Variants in PPP1R9A observed in about 807,000 individuals in gnomAD.
PPP1R9A encodes protein phosphatase 1 regulatory subunit 9A.
Under a neutral mutation model 141.9 loss-of-function variants are expected in PPP1R9A, and 59 were observed. The observed-to-expected ratio is 0.42, with a 90% confidence interval of 0.34 to 0.52. PPP1R9A has a LOEUF of 0.52. PPP1R9A is among the 20% of genes least tolerant of loss of function. The probability of loss-of-function intolerance (pLI) is 0.10; values close to 1 mark genes in which losing one functional copy is unlikely to be tolerated. For synonymous variants in PPP1R9A, 500 were observed against 569.7 expected (o/e 0.88, Z 1.74); for missense variants, 1,444 against 1,611.9 (o/e 0.90, Z 1.78).
chr7:95,155,599 CTT>C (rs1407460986), intron 4 of PPP1R9A: 1 of 152,148 alleles, frequency 6.6e-6, no homozygotes, highest in Non-Finnish European at 1.5e-5. Context: ...TATGAACCCA[CTT>C]TAGTGTCTCA....
chr7:95,247,722 C>T (rs1050872393), intron 9 of PPP1R9A, among the ~76,000 whole-genome samples, 196 bp downstream of exon 9: 13 of 151,976 alleles, frequency 8.6e-5, no homozygotes, highest in Non-Finnish European at 1.9e-4. Context: ...GTGCAAATAA[C>T]ACAATATTTT....
intron 5 of PPP1R9A, among the ~76,000 whole-genome samples, chr7:95,168,004 C>G (rs1831533744): frequency 6.6e-6 from 1 of 152,114 alleles, no homozygotes; most frequent in Non-Finnish European, 1.5e-5. Context: ...CAATCCCTGT[C>G]TAAATATCAA....
chr7:95,198,719 T>G (rs1169458356), intron 6 of PPP1R9A, among the ~76,000 whole-genome samples: 3 of 152,218 alleles, frequency 2.0e-5, no homozygotes, highest in Non-Finnish European at 4.4e-5. Context: ...TCTTATCTTT[T>G]GCACTATTAT....
chr7:95,173,098 G>A (rs1018123554), intron 5 of PPP1R9A, among the ~76,000 whole-genome samples: 7 of 151,832 alleles, frequency 4.6e-5, no homozygotes, highest in African/African-American at 1.2e-4. Context: ...CCTAATTGCA[G>A]CAGCTAGAAC....
intron 8 of PPP1R9A, among the ~76,000 whole-genome samples, chr7:95,242,576 G>A (rs1173003119): frequency 6.6e-6 from 1 of 150,788 alleles, no homozygotes; most frequent in Non-Finnish European, 1.5e-5. Flanking sequence ...ATGAGTGCAT[G>A]TTCTGTATTC....
intron 4 of PPP1R9A, among the ~76,000 whole-genome samples, chr7:95,128,442 A>G (rs966830860): frequency 7.2e-5 from 11 of 151,972 alleles, no homozygotes; most frequent in African/African-American, 2.4e-4. Flanking sequence ...GTTTGCAAAT[A>G]TTTTCTCCCA....
At chr7:95,087,679 G>A (rs1348474130) in intron 2 of PPP1R9A, among the ~76,000 whole-genome samples, 1 of 151,976 alleles carries the variant, frequency 6.6e-6, no homozygotes, top group Non-Finnish European at 1.5e-5. Context: ...AGTAGATCAC[G>A]AGGTCAGGAG....
At chr7:95,266,324 T>G (rs538516261) in intron 12 of PPP1R9A, among the ~76,000 whole-genome samples, 5 of 131,434 alleles carry the variant, frequency 3.8e-5, no homozygotes, top group African/African-American at 1.3e-4. Flanking sequence ...TTTCAACATG[T>G]CATCCTTTTT....
At chr7:95,039,205 CTAATT>C (rs1413155926) in intron 2 of PPP1R9A, among the ~76,000 whole-genome samples, 5 of 152,076 alleles carry the variant, frequency 3.3e-5, no homozygotes, top group African/African-American at 4.8e-5. Flanking sequence ...ATTAAGGACT[CTAATT>C]TAAGAAGTAG....
At chr7:95,168,915 A>C (rs1291008283) in intron 5 of PPP1R9A, among the ~76,000 whole-genome samples, 2 of 152,090 alleles carry the variant, frequency 1.3e-5, no homozygotes, top group Admixed American at 1.3e-4. Flanking sequence ...GAGAAAAAGG[A>C]ACTCTTACAC....
At chr7:95,086,968 A>T (rs1355534392) in intron 2 of PPP1R9A, among the ~76,000 whole-genome samples, 1 of 151,492 alleles carries the variant, frequency 6.6e-6, no homozygotes, top group African/African-American at 2.5e-5. Flanking sequence ...GGATCTCTCC[A>T]GCCCTGGAGT....
intron 2 of PPP1R9A, among the ~76,000 whole-genome samples, chr7:95,035,114 G>A (rs1202523618): frequency 2.0e-5 from 3 of 152,104 alleles, no homozygotes; most frequent in African/African-American, 7.2e-5. Context: ...GAAATCTGAA[G>A]CATCAAAAGA....
rs1389168695 is a variant in PPP1R9A, at chr7:95,205,251, G to C, written c.1956+1521G>C. Among the ~76,000 whole-genome samples the C allele has an allele frequency of 3.3e-5, 5 of 152,248 alleles. 1 individual carries two copies. Among genetic ancestry groups the C allele is most frequent in the African/African-American group, 1.2e-4 (5 of 41,550 alleles). The stretch of plus-strand genomic sequence containing the variant: ...AAAAAAATTATGATGCAAATGATTT[G>C]AATATATTTTCCTTCCCACTGCCAC... On this transcript the variant is annotated intron_variant, in intron 7 of 19. Coordinates refer to ENST00000433360, the MANE Select transcript of PPP1R9A (RefSeq NM_001166160.2).
chr7:95,274,004 T>C lies in PPP1R9A; in HGVS notation c.3212+18T>C, dbSNP rs377731970. ...GATCTGGGGTAAGCACTTCACGATG[T>C]AAAAAGAAAGCCCTCTGTAAAAGGA... On this transcript the variant is annotated intron_variant, in intron 15 of 19. Coordinates refer to ENST00000433360, the MANE Select transcript of PPP1R9A (RefSeq NM_001166160.2). 2 of 1,501,462 alleles carry C rather than the reference T, an allele frequency of 1.3e-6. No individual in the cohort carries two copies. The highest frequency in any genetic ancestry group is 1.7e-5 in the Admixed American group (1 of 58,878). The allele number at this position is 1,501,462 out of a possible 1,614,324, so 93.0% of individuals were successfully genotyped here.
At chr7:95,188,323 A>G (rs1373817198) in intron 5 of PPP1R9A, among the ~76,000 whole-genome samples, 1 of 151,948 alleles carries the variant, frequency 6.6e-6, no homozygotes, top group African/African-American at 2.4e-5. Flanking sequence ...TTTCGTTTCC[A>G]TTTACATGAA....
chr7:95,066,806 G>A (rs1813012368), intron 2 of PPP1R9A, among the ~76,000 whole-genome samples: 1 of 152,180 alleles, frequency 6.6e-6, no homozygotes, highest in Non-Finnish European at 1.5e-5. Flanking sequence ...GTAATACTGA[G>A]ATTGTCCTAG....
At chr7:95,065,191 G>A (rs576774826) in intron 2 of PPP1R9A, among the ~76,000 whole-genome samples, 1 of 152,168 alleles carries the variant, frequency 6.6e-6, no homozygotes, top group African/African-American at 2.4e-5. Context: ...TCAGCCTCCT[G>A]AGTAGCTGTG....
Position 95,011,078 on chromosome 7 carries a change from A to G in PPP1R9A, c.1395+99570A>G, listed in dbSNP as rs532571539. ...GTAACAGTGTTGCCTTTCAGAATTC[A>G]GCCTTTCTTTAAAGATATTTTTCAT... On this transcript the variant is annotated intron_variant, in intron 2 of 19. Transcript: ENST00000433360. 2.0e-5 allele frequency among the ~76,000 whole-genome samples: 3 copies of G among 152,280 alleles called. No homozygotes were observed. The East Asian group carries it at 5.8e-4, about 29-fold the overall frequency.
intron 14 of PPP1R9A, among the ~76,000 whole-genome samples, chr7:95,270,497 A>T (rs898055616): frequency 6.6e-6 from 1 of 152,102 alleles, no homozygotes; most frequent in Non-Finnish European, 1.5e-5. Context: ...GGAAATTAGG[A>T]TGGAGAAGTC....
Sources: allele counts gnomAD v4.1 joint callset (sites outside exome capture counted in the v4.1 genomes callset), GRCh38; gene constraint gnomAD v4.1.1; transcripts MANE v1.5; gene names NCBI Gene and HGNC (gene_info 2026-07-23, HGNC 2026-07-21).